PHF14: variants seen among roughly 807,000 people sequenced by gnomAD.
The protein encoded by PHF14 is PHD finger protein 14.
In PHF14, 55 loss-of-function variants were observed where a neutral mutation model predicts 117.9. That is an observed-to-expected ratio of 0.47 (90% confidence interval 0.38 to 0.58). The LOEUF is 0.58. Among genes scored for constraint, PHF14 ranks in the 20% least tolerant of loss-of-function variants. The pLI is 0.00. For missense variants in PHF14, 978 were observed against 1,122.2 expected (o/e 0.87, Z 1.84); for synonymous variants, 409 against 368.6 (o/e 1.11, Z -1.26).
At chr7:11,149,177 G>A (rs548423606) in intron 17 of PHF14, among the ~76,000 whole-genome samples, 2 of 142,076 alleles carry the variant, frequency 1.4e-5, no homozygotes, top group African/African-American at 5.5e-5. Flanking sequence ...TCATGTAGAT[G>A]TTTTAGGTAA....
chr7:11,004,643 T>A (rs1783015771), intron 4 of PHF14, among the ~76,000 whole-genome samples: 1 of 152,178 alleles, frequency 6.6e-6, no homozygotes, highest in Non-Finnish European at 1.5e-5. Flanking sequence ...AGTCTGGATA[T>A]ATCTGATTGT....
chr7:11,113,038 G>C (rs1562472593), intron 17 of PHF14, among the ~76,000 whole-genome samples: 2 of 151,766 alleles, frequency 1.3e-5, no homozygotes. Flanking sequence ...GTTGTCTTAC[G>C]AGTCTCTTTA....
In PHF14 at chr7:11,130,001, G is replaced by A. The variant is rs1788049623; in HGVS notation, c.2772+18534G>A. Among the ~76,000 whole-genome samples, 1 of 151,874 alleles carries A rather than the reference G, an allele frequency of 6.6e-6. No individual in the cohort carries two copies. The highest frequency in any genetic ancestry group is 1.5e-5 in the Non-Finnish European group (1 of 67,912). On this transcript the variant is annotated intron_variant, in intron 17 of 17. Coordinates refer to ENST00000634607, the MANE Select transcript of PHF14 (RefSeq NM_001007157.2). The surrounding 1 kb of genome is among the most constrained non-coding windows in gnomAD (Gnocchi z 4.2). ...TAATTAGGATATGCTAAGTTATGCA[G>A]CAAAAAAAAGAATCCCAAATTTTTA...
At chr7:11,144,337 C>T (rs193048776) in intron 17 of PHF14, among the ~76,000 whole-genome samples, 147 of 151,916 alleles carry the variant, frequency 9.7e-4, no homozygotes, top group African/African-American at 3.3e-3. Context: ...GTAGAACTAA[C>T]TTATAACCCA....
intron 14 of PHF14, 22 bp from the exon 15 acceptor site, chr7:11,061,769 T>G (rs1038652000): frequency 5.4e-6 from 8 of 1,477,118 alleles, no homozygotes; most frequent in Admixed American, 2.7e-5. Context: ...TGTTTTTTGT[T>G]TTTTTTTTTG....
chr7:11,028,330 A>C (rs2128320143), intron 6 of PHF14, among the ~76,000 whole-genome samples: 2 of 152,320 alleles, frequency 1.3e-5, no homozygotes, highest in South Asian at 4.1e-4. Flanking sequence ...GCAACATTGT[A>C]AAGTTAAAAA....
intron 17 of PHF14, among the ~76,000 whole-genome samples, chr7:11,136,153 A>G (rs1788214109): frequency 6.6e-6 from 1 of 152,142 alleles, no homozygotes; most frequent in Non-Finnish European, 1.5e-5. Flanking sequence ...ATTTCTCATC[A>G]CATATTAAGG....
chr7:11,008,454 C>T (rs564595436), intron 4 of PHF14, among the ~76,000 whole-genome samples: 2 of 152,064 alleles, frequency 1.3e-5, no homozygotes, highest in African/African-American at 4.8e-5. Flanking sequence ...CACCTCCTGT[C>T]GGATCAGTGG....
intron 14 of PHF14, among the ~76,000 whole-genome samples, chr7:11,057,413 C>T (rs534367278): frequency 2.5e-3 from 374 of 152,104 alleles, no homozygotes; most frequent in Non-Finnish European, 4.0e-3. Context: ...CTTGCTCTGT[C>T]GCCCAGGCTG....
rs368351182 is a variant in PHF14 at position 11,076,728 on chromosome 7, C to T, written c.2654+14643C>T. Among the ~76,000 whole-genome samples, 7 of 151,802 alleles carry T rather than the reference C, an allele frequency of 4.6e-5. No individual in the cohort carries two copies. In the South Asian group the frequency reaches 8.3e-4, roughly 18 times the overall value. ...GATTACAGGTGCACACCACCACACC[C>T]GACTAATTTTTGTATTTTTGGTAGA... is the stretch of plus-strand genomic sequence containing the variant. On this transcript the variant is annotated intron_variant, in intron 16 of 17. Transcript: ENST00000634607.
At chr7:11,105,272 C>A in intron 16 of PHF14, 2 of 952,790 alleles carry the variant, frequency 2.1e-6, no homozygotes, top group Non-Finnish European at 2.5e-6. Flanking sequence ...AAGTGTTCAT[C>A]TGATTTTATA....
intron 17 of PHF14, among the ~76,000 whole-genome samples, chr7:11,161,553 G>A (rs1789024328): frequency 6.6e-6 from 1 of 151,536 alleles, no homozygotes; most frequent in Non-Finnish European, 1.5e-5. Context: ...CTATGGAACT[G>A]TAATTTGACT....
At chr7:11,109,265 C>A (rs1290359981) in intron 16 of PHF14, 1 of 151,526 alleles carries the variant, frequency 6.6e-6, no homozygotes, top group Non-Finnish European at 1.5e-5. Flanking sequence ...AAGTGAGGAC[C>A]CTGAAAATCT....
intron 16 of PHF14, among the ~76,000 whole-genome samples, chr7:11,081,063 A>G (rs7795849): frequency 0.11 from 17,481 of 152,118 alleles, 1,199 homozygotes; most frequent in African/African-American, 0.2. Context: ...ATATGTATAT[A>G]TGTGTGTGTG....
intron 16 of PHF14, among the ~76,000 whole-genome samples, chr7:11,076,247 A>G (rs1289870071): frequency 6.6e-6 from 1 of 152,244 alleles, no homozygotes; most frequent in Non-Finnish European, 1.5e-5. Flanking sequence ...TGTGGTTGGT[A>G]AAACTTTCTT....
intron 16 of PHF14, among the ~76,000 whole-genome samples, chr7:11,086,324 T>G (rs1248950296): frequency 1.3e-5 from 2 of 152,204 alleles, no homozygotes; most frequent in Non-Finnish European, 2.9e-5. Flanking sequence ...CATTTCCAGC[T>G]GTTCACAGCT....
At position 11,035,918 on chromosome 7, in the gene PHF14, A is replaced by T. The variant is rs145545357; in HGVS notation, c.1602+132A>T. On this transcript the variant is annotated intron_variant, in intron 8 of 17. Coordinates refer to ENST00000634607, the MANE Select transcript of PHF14 (RefSeq NM_001007157.2). The stretch of plus-strand genomic sequence containing the variant: ...TTAGTTACCTAGGAAATGGATTGTG[A>T]TTAAGGTAAATAGTGAGTATAATTT... 8.5e-4 allele frequency: 589 copies of T among 694,048 alleles called. 4 individuals carry two copies. In the African/African-American group the frequency reaches 9.8e-3, roughly 11 times the overall value. The allele number at this position is 694,048 out of a possible 1,614,324, so 43.0% of individuals were successfully genotyped here.
chr7:11,096,599 C>G (rs1369784020), intron 16 of PHF14, among the ~76,000 whole-genome samples: 1 of 152,064 alleles, frequency 6.6e-6, no homozygotes, highest in Non-Finnish European at 1.5e-5. Flanking sequence ...AGCCTTTTAA[C>G]ACTATTAAAA....
At chr7:11,157,260 G>A (rs376561081) in intron 17 of PHF14, among the ~76,000 whole-genome samples, 4 of 152,046 alleles carry the variant, frequency 2.6e-5, no homozygotes, top group African/African-American at 9.7e-5. Context: ...AGGAATAGAC[G>A]TGACTTCAAG....
Sources: gnomAD v4.1 joint callset for allele counts (sites outside exome capture counted in the v4.1 genomes callset) on GRCh38, gnomAD v4.1.1 for gene constraint, Gnocchi (gnomAD v3.1) non-coding constraint, MANE v1.5 for transcripts, NCBI Gene and HGNC (gene_info 2026-07-23, HGNC 2026-07-21) for gene names.